Variants in RAB37 observed in about 807,000 individuals in gnomAD.
The protein encoded by RAB37 is RAB37, member RAS oncogene family, also known as ras-related protein Rab-37.
In RAB37, 29 loss-of-function variants were observed where a neutral mutation model predicts 33.1. The ratio of observed to expected loss-of-function variants is 0.88; its 90% CI spans 0.65 to 1.20. RAB37 has a LOEUF of 1.20. RAB37 is among the 50% of genes most tolerant of loss of function. The pLI is 0.00. For missense variants in RAB37, 299 were observed against 301.1 expected (o/e 0.99, Z 0.05); for synonymous variants, 128 against 119.5 (o/e 1.07, Z -0.47).
chr17:74,692,830 A>C (rs1040654219), intron 1 of RAB37, among the ~76,000 whole-genome samples: 1 of 152,216 alleles, frequency 6.6e-6, no homozygotes, highest in Non-Finnish European at 1.5e-5. Context: ...CTGCCAGAAT[A>C]GTGAACACCG....
upstream of RAB37, among the ~76,000 whole-genome samples, chr17:74,735,031 A>AAGAAAGAAAGAAAGAG (rs2034451359): frequency 7.7e-6 from 1 of 130,280 alleles, no homozygotes. Flanking sequence ...GAAAGAAAGA[A>AAGAAAGAAAGAAAGAG]AGAAAGAAAG....
chr17:74,681,384 C>A (rs1436408281), intron 1 of RAB37, among the ~76,000 whole-genome samples: 3 of 152,244 alleles, frequency 2.0e-5, no homozygotes, highest in Non-Finnish European at 4.4e-5. Flanking sequence ...GGGATCCCTT[C>A]AAGCCCATGT....
At chr17:74,675,425 C>A (rs929999260) in intron 1 of RAB37, among the ~76,000 whole-genome samples, 3 of 150,296 alleles carry the variant, frequency 2.0e-5, no homozygotes, top group African/African-American at 7.4e-5. Flanking sequence ...CAGAGTGAGA[C>A]TCCATCCGAA....
chr17:74,737,426 G>A (rs1471141707), intron 1 of RAB37, 61 bp downstream of exon 1: 3 of 1,491,942 alleles, frequency 2.0e-6, no homozygotes, highest in African/African-American at 1.4e-5. Flanking sequence ...TCCTGGCTGC[G>A]TCTGGGTTGG....
intron 1 of RAB37, among the ~76,000 whole-genome samples, chr17:74,719,280 T>C (rs992201993): frequency 6.6e-6 from 1 of 151,884 alleles, no homozygotes; most frequent in Admixed American, 6.6e-5. Context: ...AAACCCCAAC[T>C]CTGCAAAAAA....
At chr17:74,701,847 CAAA>C (rs11321122) in intron 1 of RAB37, among the ~76,000 whole-genome samples, 8 of 86,670 alleles carry the variant, frequency 9.2e-5, no homozygotes, top group Admixed American at 1.2e-4. Context: ...GAGAATCCGT[CAAA>C]AAAAAAAAAA....
intron 1 of RAB37, chr17:74,712,817 C>T (rs372170968): frequency 5.1e-5 from 83 of 1,613,844 alleles, no homozygotes; most frequent in South Asian, 1.4e-4. Flanking sequence ...GACCCAGGCC[C>T]GCTCACCTGA....
chr17:74,690,512 G>C (rs2032139323), intron 1 of RAB37, among the ~76,000 whole-genome samples: 1 of 152,174 alleles, frequency 6.6e-6, no homozygotes, highest in Admixed American at 6.5e-5. Flanking sequence ...TTCTGCCTTA[G>C]CAAAGTCATG....
At chr17:74,695,958 A>G in intron 1 of RAB37, 1 of 1,416,122 alleles carries the variant, frequency 7.1e-7, no homozygotes, top group South Asian at 1.3e-5. Context: ...CCACTTCCCC[A>G]GGTGCCCCTC....
At chr17:74,701,979 A>G (rs1229442960) in intron 1 of RAB37, among the ~76,000 whole-genome samples, 1 of 151,998 alleles carries the variant, frequency 6.6e-6, no homozygotes. Context: ...CCAAGATGGC[A>G]CCATGCACTC....
Position 74,744,158 on chromosome 17 carries a change from C to T in RAB37, c.367-150C>T. The T allele has an allele frequency of 1.4e-6, 1 of 704,170 alleles. No homozygotes were observed. Among genetic ancestry groups the T allele is most frequent in the Non-Finnish European group, 2.3e-6 (1 of 432,548 alleles). The allele number at this position is 704,170 out of a possible 1,614,324, so 43.6% of individuals were successfully genotyped here. On this transcript the variant is annotated intron_variant, in intron 5 of 8. Coordinates refer to ENST00000392613, the MANE Select transcript of RAB37 (RefSeq NM_001006638.3). The surrounding 1 kb of genome is among the most constrained non-coding windows in gnomAD (Gnocchi z 4.2). ...GAGCCACCAAGGAAGGCCATCCAGG[C>T]CTGGATGGGCCAGAACAAAGGTACA...
chr17:74,739,722 G>C (rs2034563478), intron 1 of RAB37, among the ~76,000 whole-genome samples: 1 of 151,196 alleles, frequency 6.6e-6, no homozygotes, highest in African/African-American at 2.4e-5. Context: ...GTAGAGATGG[G>C]GTTTCACCTT....
intron 1 of RAB37, among the ~76,000 whole-genome samples, chr17:74,714,844 A>G (rs1340914087): frequency 1.3e-5 from 2 of 152,212 alleles, no homozygotes; most frequent in African/African-American, 4.8e-5. Flanking sequence ...AGGAAGGGCC[A>G]GACTCAGTGG....
chr17:74,718,710 G>C (rs143560431), intron 1 of RAB37, among the ~76,000 whole-genome samples: 215 of 152,282 alleles, frequency 1.4e-3, no homozygotes, highest in African/African-American at 4.7e-3. Context: ...ATGTGTGTTT[G>C]TTAGAGAAAA....
At chr17:74,731,661 TC>T (rs1385486939) in intron 2 of RAB37, among the ~76,000 whole-genome samples, 1 of 152,072 alleles carries the variant, frequency 6.6e-6, no homozygotes, top group Non-Finnish European at 1.5e-5. Context: ...CTCCTCAGTT[TC>T]CCCCAAATTC....
Position 74,671,616 on chromosome 17 carries a change from GGGA to G in RAB37, c.35_37del (p.Gly12del). 6.2e-7 allele frequency: 1 copy of G among 1,614,218 alleles called. No individual in the cohort carries two copies. Among genetic ancestry groups the G allele is most frequent in the Non-Finnish European group, 8.5e-7 (1 of 1,180,028 alleles). On this transcript the variant is annotated inframe_deletion, in exon 1 of 8. Transcript: ENST00000340415. The surrounding 1 kb of genome is among the most constrained non-coding windows in gnomAD (Gnocchi z 5.0). ...ACCTGCAGAGACCCGATTCCTACCA[GGGA>G]GGAGCTGGCCCTGACTTCAACGACC...
At chr17:74,715,803 G>A (rs1032675385) in intron 1 of RAB37, among the ~76,000 whole-genome samples, 1 of 152,098 alleles carries the variant, frequency 6.6e-6, no homozygotes, top group Non-Finnish European at 1.5e-5. Context: ...TGAGGCAGGC[G>A]GATCACCTGA....
In RAB37 at chr17:74,738,545, C is replaced by CGAGCTGG. The variant is rs1364234440; in HGVS notation, c.93+1182_93+1188dup. 1.1e-4 allele frequency among the ~76,000 whole-genome samples: 16 copies of CGAGCTGG among 152,154 alleles called. No homozygotes were observed. Among genetic ancestry groups the CGAGCTGG allele is most frequent in the Non-Finnish European group, 1.5e-4 (10 of 68,018 alleles). On this transcript the variant is annotated intron_variant, in intron 1 of 8. Coordinates refer to ENST00000392613, the MANE Select transcript of RAB37 (RefSeq NM_001006638.3). This position sits in a 1 kb window ranked among gnomAD's most constrained non-coding sequence, Gnocchi z 5.0. Reference sequence around the variant, plus strand: ...AGCTGTTTGTGTTTGGTGGAATCACCGAGCTGGGTGGGTAGCTGGCATCGT... The same window carrying CGAGCTGG: ...AGCTGTTTGTGTTTGGTGGAATCACCGAGCTGGGAGCTGGGTGGGTAGCTGGCATCGT...
At chr17:74,741,587 G>GAAAAAAA (rs535783718) in intron 2 of RAB37, among the ~76,000 whole-genome samples, 1 of 127,194 alleles carries the variant, frequency 7.9e-6, no homozygotes, top group African/African-American at 3.2e-5. Context: ...CTGCGTCTCA[G>GAAAAAAA]AAAAAAAAAA....
Sources: allele counts gnomAD v4.1 joint callset (sites outside exome capture counted in the v4.1 genomes callset), GRCh38; gene constraint gnomAD v4.1.1; non-coding constraint Gnocchi (gnomAD v3.1); transcripts MANE v1.5; gene names NCBI Gene and HGNC (gene_info 2026-07-23, HGNC 2026-07-21).